The following CPNE9 variants were observed in gnomAD, a reference collection of about 807,000 sequenced individuals.
The protein encoded by CPNE9 is copine family member 9, also known as copine-9.
Under a neutral mutation model 83.0 loss-of-function variants are expected in CPNE9, and 59 were observed. The ratio of observed to expected loss-of-function variants is 0.71; its 90% CI spans 0.58 to 0.88. The LOEUF is 0.88. CPNE9 is among the 40% of genes least tolerant of loss of function. The pLI, the probability that CPNE9 is intolerant of heterozygous loss-of-function variation, is 0.00. For synonymous variants in CPNE9, 256 were observed against 273.4 expected (o/e 0.94, Z 0.63); for missense variants, 619 against 720.8 (o/e 0.86, Z 1.62).
rs1298942705 is a variant in CPNE9 at position 9,712,713 on chromosome 3, A to G, written c.442-12A>G. ...ATTGGGGTGCCACCAGCCCAACTTC[A>G]TCCATCCCTAGGACATTGCCACCAT... On this transcript the variant is annotated splice_polypyrimidine_tract_variant and intron_variant, in intron 8 of 20. Coordinates refer to ENST00000383832, the MANE Select transcript of CPNE9 (RefSeq NM_153635.3). 2 of 1,613,380 alleles carry G rather than the reference A, an allele frequency of 1.2e-6. No homozygotes were observed. Among genetic ancestry groups the G allele is most frequent in the Admixed American group, 1.7e-5 (1 of 59,996 alleles).
intron 20 of CPNE9, 108 bp downstream of exon 20, chr3:9,727,294 C>T (rs749173484): frequency 5.1e-6 from 6 of 1,183,256 alleles, no homozygotes; most frequent in Middle Eastern, 1.9e-4. Context: ...TTTTTTCCCC[C>T]GTCACTCTTT....
Position 9,722,068 on chromosome 3 carries a change from C to T in CPNE9, c.1241+3466C>T, listed in dbSNP as rs59697772. Among the ~76,000 whole-genome samples the T allele has an allele frequency of 3.9e-3, 591 of 152,114 alleles. 2 individuals carry two copies. The highest frequency in any genetic ancestry group is 0.014 in the African/African-American group (568 of 41,502). ...GAGCAGCTGGGATTACAGGTGCGCA[C>T]CACCATGCCCGGCTAATTTTTGTAT... is the stretch of plus-strand genomic sequence containing the variant. On this transcript the variant is annotated intron_variant, in intron 17 of 20. Coordinates refer to ENST00000383832, the MANE Select transcript of CPNE9 (RefSeq NM_153635.3).
At chr3:9,708,750 A>G (rs1559636531) in intron 7 of CPNE9, among the ~76,000 whole-genome samples, 3 of 151,866 alleles carry the variant, frequency 2.0e-5, no homozygotes, top group Admixed American at 6.6e-5. Flanking sequence ...CTCCTGCCTC[A>G]GCCTCCGGAG....
intron 20 of CPNE9, chr3:9,727,516 G>T: frequency 1.5e-6 from 1 of 677,024 alleles, no homozygotes. Context: ...GCCTGTAACA[G>T]GGACCTAACA....
rs1331601734 is a variant in CPNE9, at chr3:9,718,138, T to C, written c.1041T>C (p.Asp347=). The C allele has an allele frequency of 1.2e-6, 2 of 1,613,990 alleles. No individual in the cohort carries two copies. The highest frequency in any genetic ancestry group is 2.7e-5 in the African/African-American group (2 of 74,916). Residue 347 remains aspartate, a synonymous_variant, in exon 16 of 21, where the codon GAT becomes GAC. Coordinates refer to ENST00000383832, the MANE Select transcript of CPNE9 (RefSeq NM_153635.3). ...VGEIIQDYDS[D]KLFPAYGFGA... is the part of the protein sequence containing the mutation. ...AGATCATCCAGGACTATGACAGTGA[T>C]AAGCTCTTCCCAGCTTATGGCTTTG...
At chr3:9,712,658 C>G in intron 8 of CPNE9, 54 bp downstream of exon 8, 1 of 1,607,316 alleles carries the variant, frequency 6.2e-7, no homozygotes, top group South Asian at 1.1e-5. Flanking sequence ...CCCGTAAACC[C>G]TTTAATGGAC....
At chr3:9,725,803 G>T in intron 17 of CPNE9, 146 bp from the exon 18 acceptor site, 2 of 662,456 alleles carry the variant, frequency 3.0e-6, no homozygotes, top group East Asian at 5.4e-5. Context: ...GCAGTGGCAG[G>T]CTGCCAGGTC....
At chr3:9,721,753 C>T (rs573831545) in intron 17 of CPNE9, among the ~76,000 whole-genome samples, 3 of 152,224 alleles carry the variant, frequency 2.0e-5, no homozygotes, top group East Asian at 3.9e-4. Context: ...AGAGGACTAT[C>T]CAGATAATGG....
At chr3:9,716,378 A>G (rs2076683895) in intron 14 of CPNE9, among the ~76,000 whole-genome samples, 1 of 152,106 alleles carries the variant, frequency 6.6e-6, no homozygotes, top group African/African-American at 2.4e-5. Flanking sequence ...CAAGCAGACT[A>G]TAGGGGACAT....
In CPNE9 at chr3:9,708,855, C is replaced by T. The variant is rs190292709; in HGVS notation, c.377+2792C>T. On this transcript the variant is annotated intron_variant, in intron 7 of 20. Coordinates refer to ENST00000383832, the MANE Select transcript of CPNE9 (RefSeq NM_153635.3). ...TTCACCGTGTTAGCCAGGTTGGTCT[C>T]GATCTCCTGACCTCATGATCCGCCC... is the stretch of plus-strand genomic sequence containing the variant. Among the ~76,000 whole-genome samples, 1,460 of 151,776 alleles carry T rather than the reference C, an allele frequency of 9.6e-3. 13 individuals carry two copies. Among genetic ancestry groups the T allele is most frequent in the Non-Finnish European group, 0.014 (965 of 67,904 alleles).
chr3:9,712,685 A>T, intron 8 of CPNE9, 40 bp from the exon 9 acceptor site: 2 of 1,607,802 alleles, frequency 1.2e-6, no homozygotes, highest in Non-Finnish European at 1.7e-6. Flanking sequence ...AAGGCTATGG[A>T]CAATTGGGGT....
In CPNE9 at chr3:9,725,970, T is replaced by C. The variant is rs769964663; in HGVS notation, c.1263T>C (p.Asp421=). ...QVARAAAKIS[D]GSQYYVLLII... ...CCAGGGCTGCAGCCAAGATCTCTGA[T>C]GGCTCCCAGTACTATGTTCTGCTCA... The change falls in exon 18 of 21, where the codon GAT becomes GAC. Residue 421 remains aspartate (D), a synonymous_variant. Transcript: ENST00000383832. 2 of 1,613,474 alleles carry C rather than the reference T, an allele frequency of 1.2e-6. No individual in the cohort carries two copies. Among genetic ancestry groups the C allele is most frequent in the Non-Finnish European group, 1.7e-6 (2 of 1,179,602 alleles).
chr3:9,704,533 G>C lies in CPNE9; in HGVS notation c.69-54G>C, dbSNP rs1173472802. The C allele has an allele frequency of 1.4e-6, 2 of 1,446,136 alleles. No individual in the cohort carries two copies. The highest frequency in any genetic ancestry group is 2.8e-5 in the African/African-American group (2 of 72,114). 89.6% of individuals were successfully genotyped at this position (1,446,136 alleles called of 1,614,324 possible). On this transcript the variant is annotated intron_variant, in intron 1 of 20. Coordinates refer to ENST00000383832, the MANE Select transcript of CPNE9 (RefSeq NM_153635.3). This position sits in a 1 kb window ranked among gnomAD's most constrained non-coding sequence, Gnocchi z 7.1. ...TCAGTGCCCGGCTCAGAGCCGACTC[G>C]AGGCGGGCGGACTCCAGGATGATCC...
At chr3:9,720,976 T>C (rs1240089245) in intron 17 of CPNE9, among the ~76,000 whole-genome samples, 1 of 152,234 alleles carries the variant, frequency 6.6e-6, no homozygotes, top group Non-Finnish European at 1.5e-5. Flanking sequence ...ATAGGGTTGT[T>C]GTGAGGACTA....
rs1475498072 is a variant in CPNE9 at position 9,704,740 on chromosome 3, C to CA, written c.110-8dup. The CA allele has an allele frequency of 6.2e-7, 1 of 1,612,604 alleles. No individual in the cohort carries two copies. Reference sequence around the variant, plus strand: ...CCTGACGTCCTTCCCTCCCCGCCCCCACCTGCAGTGGTGGTGCTTTACACG... The same window carrying CA: ...CCTGACGTCCTTCCCTCCCCGCCCCCAACCTGCAGTGGTGGTGCTTTACACG... On this transcript the variant is annotated splice_polypyrimidine_tract_variant and intron_variant, in intron 2 of 20. Coordinates refer to ENST00000383832, the MANE Select transcript of CPNE9 (RefSeq NM_153635.3). This position sits in a 1 kb window ranked among gnomAD's most constrained non-coding sequence, Gnocchi z 7.1.
intron 7 of CPNE9, among the ~76,000 whole-genome samples, chr3:9,707,992 G>T (rs1255014324): frequency 1.3e-5 from 2 of 152,142 alleles, no homozygotes; most frequent in African/African-American, 4.8e-5. Context: ...AGGCTGGAGC[G>T]CGATGGTGCA....
chr3:9,705,068 C>T, intron 4 of CPNE9, 74 bp downstream of exon 4: 1 of 1,083,408 alleles, frequency 9.2e-7, no homozygotes, highest in South Asian at 1.3e-5. Flanking sequence ...CTGGCCCCAC[C>T]CCCGCCTCGC....
intron 9 of CPNE9, 38 bp downstream of exon 9, chr3:9,712,866 G>A (rs753244902): frequency 1.9e-6 from 3 of 1,588,286 alleles, no homozygotes; most frequent in Non-Finnish European, 2.6e-6. Flanking sequence ...GCTGGGGTGG[G>A]CCATGTGCTT....
intron 17 of CPNE9, 138 bp downstream of exon 17, chr3:9,718,740 C>A: frequency 9.8e-7 from 1 of 1,022,838 alleles, no homozygotes; most frequent in Non-Finnish European, 1.4e-6. Context: ...GTGGCTCATA[C>A]CTGTAATCCC....
Sources: gnomAD v4.1 joint callset for allele counts (sites outside exome capture counted in the v4.1 genomes callset) on GRCh38, gnomAD v4.1.1 for gene constraint, Gnocchi (gnomAD v3.1) non-coding constraint, MANE v1.5 for transcripts, NCBI Gene and HGNC (gene_info 2026-07-23, HGNC 2026-07-21) for gene names.